The following MED27 variants were observed in gnomAD, a reference collection of about 807,000 sequenced individuals.
MED27 encodes the protein mediator of RNA polymerase II transcription subunit 27.
Under a neutral mutation model 38.2 loss-of-function variants are expected in MED27, and 30 were observed. The ratio of observed to expected loss-of-function variants is 0.79; its 90% CI spans 0.59 to 1.07. The LOEUF (loss-of-function observed/expected upper bound fraction) is 1.07, where lower values mean the gene tolerates loss of function less well. Among genes scored for constraint, MED27 ranks in the 50% least tolerant of loss-of-function variants. MED27 has a pLI of 0.00. For missense variants in MED27, 289 were observed against 397.5 expected (o/e 0.73, Z 2.32); for synonymous variants, 122 against 153.5 (o/e 0.79, Z 1.52).
At chr9:131,986,999 A>ATTT (rs66519112) in intron 3 of MED27, among the ~76,000 whole-genome samples, 1,014 of 46,250 alleles carry the variant, frequency 0.022, 208 homozygotes, top group Non-Finnish European at 0.026. Flanking sequence ...GAGTTCATGG[A>ATTT]TTTTTTTTTT....
chr9:131,888,023 C>G (rs1269881905), intron 5 of MED27, among the ~76,000 whole-genome samples: 2 of 152,126 alleles, frequency 1.3e-5, no homozygotes, highest in Admixed American at 6.5e-5. Flanking sequence ...CCTCTTGACA[C>G]ACAGGAAGAA....
intron 2 of MED27, among the ~76,000 whole-genome samples, chr9:132,039,554 G>C (rs1157171775): frequency 6.6e-6 from 1 of 152,214 alleles, no homozygotes; most frequent in Non-Finnish European, 1.5e-5. Flanking sequence ...AAAGAAGGTT[G>C]GGTCTCACAA....
chr9:131,907,602 C>A (rs1374616457), intron 4 of MED27, among the ~76,000 whole-genome samples: 1 of 152,146 alleles, frequency 6.6e-6, no homozygotes, highest in African/African-American at 2.4e-5. Flanking sequence ...CCTTGGCCCC[C>A]CAAAGTGCCG....
At chr9:131,877,466 C>T (rs986271348) in intron 6 of MED27, among the ~76,000 whole-genome samples, 2 of 152,104 alleles carry the variant, frequency 1.3e-5, no homozygotes, top group African/African-American at 4.8e-5. Flanking sequence ...GTCTCAGCTA[C>T]TCGAGAGGCT....
intron 2 of MED27, among the ~76,000 whole-genome samples, chr9:132,053,416 T>C (rs1388066129): frequency 6.6e-6 from 1 of 151,672 alleles, no homozygotes; most frequent in East Asian, 1.9e-4. Context: ...GAGAAAGAGA[T>C]TTGGGTACCT....
intron 2 of MED27, among the ~76,000 whole-genome samples, chr9:132,046,766 A>C (rs887800687): frequency 1.8e-4 from 28 of 152,190 alleles, no homozygotes; most frequent in Non-Finnish European, 3.7e-4. Context: ...GAGTGAAGGA[A>C]TCTGTCCCCC....
chr9:131,892,421 T>C (rs1419419455), intron 5 of MED27, among the ~76,000 whole-genome samples: 1 of 152,214 alleles, frequency 6.6e-6, no homozygotes, highest in East Asian at 1.9e-4. Context: ...AAAGGTATCA[T>C]GCAAAGTAGG....
intron 3 of MED27, among the ~76,000 whole-genome samples, chr9:131,990,591 C>T (rs1831950759): frequency 1.3e-5 from 2 of 152,216 alleles, no homozygotes; most frequent in Non-Finnish European, 1.5e-5. Flanking sequence ...TGATCCAGTC[C>T]TTTTGGACCT....
intron 4 of MED27, among the ~76,000 whole-genome samples, chr9:131,898,526 T>C (rs1253300806): frequency 6.6e-6 from 1 of 150,952 alleles, no homozygotes; most frequent in Non-Finnish European, 1.5e-5. Context: ...AATTCTTATT[T>C]TTTATAGAGC....
chr9:132,044,622 T>C (rs1833291952), intron 2 of MED27, among the ~76,000 whole-genome samples: 1 of 152,252 alleles, frequency 6.6e-6, no homozygotes, highest in African/African-American at 2.4e-5. Context: ...TTGTTTATCC[T>C]TAACTGCTTT....
chr9:131,930,906 T>C (rs74486476), intron 4 of MED27, among the ~76,000 whole-genome samples: 3 of 152,152 alleles, frequency 2.0e-5, no homozygotes, highest in African/African-American at 7.2e-5. Flanking sequence ...TTTGCCTTTT[T>C]TTTGTTTGTT....
rs191039776 is a variant in MED27 at position 131,991,834 on chromosome 9, G to A, written c.479+22503C>T. On this transcript the variant is annotated intron_variant, in intron 3 of 7. Transcript: ENST00000292035. ...CCTCCCAGGTTCAAGCGATTCTCCTGCCTCAGCCTCCCGAGTAGCTGGGAT... is the reference window on the plus strand; with the variant it reads ...CCTCCCAGGTTCAAGCGATTCTCCTACCTCAGCCTCCCGAGTAGCTGGGAT... Among the ~76,000 whole-genome samples, 907 of 152,256 alleles carry A rather than the reference G, an allele frequency of 6.0e-3. 20 individuals are homozygous for A. The highest frequency in any genetic ancestry group is 0.02 in the Admixed American group (305 of 15,288).
intron 3 of MED27, among the ~76,000 whole-genome samples, chr9:131,969,656 C>T (rs1241658606): frequency 6.6e-6 from 1 of 152,098 alleles, no homozygotes; most frequent in East Asian, 1.9e-4. Flanking sequence ...ATGGCCCTGG[C>T]AGACTGCAAG....
chr9:131,988,603 T>C (rs561367498), intron 3 of MED27, among the ~76,000 whole-genome samples: 6 of 152,348 alleles, frequency 3.9e-5, no homozygotes, highest in Non-Finnish European at 5.9e-5. Context: ...ATATAATACA[T>C]ATAACATACA....
chr9:131,892,363 G>A (rs1839242867), intron 5 of MED27, among the ~76,000 whole-genome samples: 1 of 152,168 alleles, frequency 6.6e-6, no homozygotes, highest in Non-Finnish European at 1.5e-5. Flanking sequence ...AGTGCTTTAT[G>A]TGTACTACTT....
At chr9:131,996,190 C>G (rs1832086598) in intron 3 of MED27, among the ~76,000 whole-genome samples, 1 of 152,206 alleles carries the variant, frequency 6.6e-6, no homozygotes, top group African/African-American at 2.4e-5. Flanking sequence ...TCGTAAGAAG[C>G]AGGGGCTGCT....
chr9:132,000,403 G>T (rs1832200504), intron 3 of MED27, among the ~76,000 whole-genome samples: 1 of 152,054 alleles, frequency 6.6e-6, no homozygotes, highest in Admixed American at 6.5e-5. Context: ...CCTGCTGGTG[G>T]GAAGGTAAAA....
At chr9:132,056,781 G>A (rs575517137) in intron 2 of MED27, among the ~76,000 whole-genome samples, 1 of 152,276 alleles carries the variant, frequency 6.6e-6, no homozygotes, top group African/African-American at 2.4e-5. Flanking sequence ...TCTGAGAACT[G>A]TACACCCCAA....
At chr9:132,041,753 G>A (rs971949155) in intron 2 of MED27, among the ~76,000 whole-genome samples, 1 of 152,296 alleles carries the variant, frequency 6.6e-6, no homozygotes, top group African/African-American at 2.4e-5. Context: ...AAATCAGTAC[G>A]GTATGGCAAA....
Sources: allele counts gnomAD v4.1 joint callset (sites outside exome capture counted in the v4.1 genomes callset), GRCh38; gene constraint gnomAD v4.1.1; transcripts MANE v1.5; gene names NCBI Gene and HGNC (gene_info 2026-07-23, HGNC 2026-07-21).